Variants in ADCY3 observed in about 807,000 individuals in gnomAD.
The protein encoded by ADCY3 is adenylate cyclase type 3.
Under a neutral mutation model 119.4 loss-of-function variants are expected in ADCY3, and 70 were observed. That is an observed-to-expected ratio of 0.59 (90% CI 0.48 to 0.72). The LOEUF (loss-of-function observed/expected upper bound fraction) is 0.72, where lower values mean the gene tolerates loss of function less well. ADCY3 is among the 30% of genes least tolerant of loss of function. The pLI, the probability that ADCY3 is intolerant of heterozygous loss-of-function variation, is 0.00. For synonymous variants in ADCY3, 672 were observed against 621.4 expected, an observed-to-expected ratio of 1.08 and a Z score of -1.21; for missense variants, 1,238 against 1,541.6, an observed-to-expected ratio of 0.80 and a Z score of 3.30.
At chr2:24,867,431 G>C (rs778318715) in intron 3 of ADCY3, among the ~76,000 whole-genome samples, 81 of 152,164 alleles carry the variant, frequency 5.3e-4, no homozygotes, top group Non-Finnish European at 9.0e-4. Context: ...CTTTTAAAAG[G>C]GGCATCACAT....
chr2:24,902,402 T>C (rs1470091686), intron 2 of ADCY3, among the ~76,000 whole-genome samples: 2 of 151,824 alleles, frequency 1.3e-5, no homozygotes, highest in Non-Finnish European at 2.9e-5. Flanking sequence ...TTTTGATGAA[T>C]ATGGACAAAT....
intron 12 of ADCY3, among the ~76,000 whole-genome samples, chr2:24,831,230 T>TAA (rs5829943): frequency 0.091 from 13,353 of 147,336 alleles, 670 homozygotes; most frequent in East Asian, 0.18. Context: ...TCATTCTGAT[T>TAA]AAAAAAAAAA....
chr2:24,896,946 C>G (rs1250892166), intron 2 of ADCY3, among the ~76,000 whole-genome samples: 1 of 152,150 alleles, frequency 6.6e-6, no homozygotes, highest in Non-Finnish European at 1.5e-5. Flanking sequence ...CTCGGTTAGT[C>G]TTCTTTTTCC....
Position 24,828,001 on chromosome 2 carries a change from G to A in ADCY3, c.2333C>T (p.Thr778Met), listed in dbSNP as rs1007829744. ...GGCGCCTGCGACGAGCAGCATGAGC[G>A]TGAGCTTCACCATGTGGCTGACCTG... Reference protein sequence around the residue: ...LVQVSHMVKLTLMLLVAGAVA... With the variant: ...LVQVSHMVKLMLMLLVAGAVA... Residue 778 changes from threonine (T) to methionine (M), a missense_variant, in exon 14 of 22, where the codon ACG becomes ATG. Transcript: ENST00000679454. 3.3e-5 allele frequency: 54 copies of A among 1,614,134 alleles called. No individual in the cohort carries two copies. Among genetic ancestry groups the A allele is most frequent in the African/African-American group, 2.7e-5 (2 of 74,952 alleles).
chr2:24,827,653 G>C (rs1668815804), intron 14 of ADCY3, 45 bp from the exon 15 acceptor site: 2 of 1,556,846 alleles, frequency 1.3e-6, no homozygotes, highest in South Asian at 1.2e-5. Context: ...CTGGGAACAA[G>C]AGCCTGATGC....
intron 13 of ADCY3, among the ~76,000 whole-genome samples, chr2:24,828,830 A>G (rs1157390424): frequency 2.0e-5 from 3 of 152,096 alleles, no homozygotes; most frequent in South Asian, 2.1e-4. Context: ...CAGCATCTCC[A>G]GGTGTCCTGT....
Position 24,842,188 on chromosome 2 carries a change from T to C in ADCY3, c.956+66A>G, listed in dbSNP as rs554092708. On this transcript the variant is annotated intron_variant, in intron 4 of 21. Transcript: ENST00000679454. This position sits in a 1 kb window ranked among gnomAD's most constrained non-coding sequence, Gnocchi z 4.9. ...CTTGAAGCCCACAGCACCTAGCGGG[T>C]CCCACAAAGATGCAGCCCTCCACAG... 2.2e-3 allele frequency: 3,580 copies of C among 1,605,484 alleles called. 6 individuals carry two copies. The highest frequency in any genetic ancestry group is 2.8e-3 in the Non-Finnish European group (3,240 of 1,176,946).
At chr2:24,908,773 C>A (rs1470266128) in intron 2 of ADCY3, among the ~76,000 whole-genome samples, 1 of 152,164 alleles carries the variant, frequency 6.6e-6, no homozygotes, top group Non-Finnish European at 1.5e-5. Flanking sequence ...GTGCAAAACA[C>A]CATCAGACAG....
At chr2:24,871,367 T>A (rs1361551338) in intron 3 of ADCY3, among the ~76,000 whole-genome samples, 1 of 152,228 alleles carries the variant, frequency 6.6e-6, no homozygotes, top group East Asian at 1.9e-4. Flanking sequence ...CTACTAAGCC[T>A]GGACCTTTGT....
intron 15 of ADCY3, 141 bp from the exon 16 acceptor site, chr2:24,826,267 G>C (rs1033693991): frequency 1.6e-5 from 11 of 696,888 alleles, no homozygotes; most frequent in Non-Finnish European, 2.4e-5. Flanking sequence ...TTCACATCAA[G>C]TCGGGCTCCC....
At chr2:24,821,721 T>G in intron 19 of ADCY3, 81 bp from the exon 20 acceptor site, 1 of 1,560,430 alleles carries the variant, frequency 6.4e-7, no homozygotes, top group Non-Finnish European at 8.7e-7. Context: ...GGCAGTGTTC[T>G]GGGGGTGGAT....
In ADCY3 at chr2:24,919,909, G is replaced by T. The variant is rs1262598496; in HGVS notation, c.-424C>A. 6.6e-6 allele frequency: 1 copy of T among 150,602 alleles called. No homozygotes were observed. The highest frequency in any genetic ancestry group is 2.4e-5 in the African/African-American group (1 of 41,254). The allele number at this position is 150,602 out of a possible 1,614,324, so 9.3% of individuals were successfully genotyped here. A position where few individuals can be genotyped will look rare whatever the true frequency, so the allele number is the denominator to read the frequency against. ...GGCGCCCGGCCGCAGGGGGAAGGAG[G>T]AGGCGGCGACGAGGGCTGGGAGATC... On this transcript the variant is annotated 5_prime_UTR_variant, in exon 1 of 22. Transcript: ENST00000679454. This position sits in a 1 kb window ranked among gnomAD's most constrained non-coding sequence, Gnocchi z 5.5.
chr2:24,845,082 C>T (rs1451872779), intron 3 of ADCY3, among the ~76,000 whole-genome samples: 1 of 152,266 alleles, frequency 6.6e-6, no homozygotes, highest in Admixed American at 6.5e-5. Context: ...GCCTCCTCAG[C>T]CATGTGGAAC....
chr2:24,918,702 A>C lies in ADCY3; in HGVS notation c.286T>G (p.Cys96Gly). Residue 96 changes from cysteine (C) to glycine (G), a missense_variant, in exon 2 of 22, where the codon TGT becomes GGT. Around this residue, in one of 7 missense-constraint regions of ADCY3, gnomAD observed 227 missense variants for 249.3 expected, o/e 0.91. Coordinates refer to ENST00000679454, the MANE Select transcript of ADCY3 (RefSeq NM_004036.5). The surrounding 1 kb of genome is among the most constrained non-coding windows in gnomAD (Gnocchi z 5.4). Reference protein sequence around the residue: ...ALFDCYVVVMCAVVFSSDKLA... With the variant: ...ALFDCYVVVMGAVVFSSDKLA... ...TTGTCGCTGGAGAAGACCACAGCAC[A>C]CATGACCACCACGTAGCAGTCAAAG... is the stretch of plus-strand genomic sequence containing the variant. 6.2e-7 allele frequency: 1 copy of C among 1,614,074 alleles called. No individual in the cohort carries two copies. The highest frequency in any genetic ancestry group is 1.7e-5 in the Admixed American group (1 of 60,018).
intron 8 of ADCY3, among the ~76,000 whole-genome samples, chr2:24,837,977 T>C (rs1670508432): frequency 2.6e-5 from 4 of 151,710 alleles, no homozygotes; most frequent in South Asian, 2.1e-4. Context: ...CCCTGCTCTA[T>C]TACTTCTATC....
rs765778219 is a variant in ADCY3 at position 24,898,807 on chromosome 2, C to T, written c.675+19506G>A. The stretch of plus-strand genomic sequence containing the variant: ...GGGAGAACAAAAGCAAAATTTACCA[C>T]GCAACCAACAGCAGCTCAGCAGTGG... On this transcript the variant is annotated intron_variant, in intron 2 of 21. Transcript: ENST00000679454. The surrounding 1 kb of genome is among the most constrained non-coding windows in gnomAD (Gnocchi z 4.3). 1.3e-5 allele frequency among the ~76,000 whole-genome samples: 2 copies of T among 152,126 alleles called. No individual in the cohort carries two copies. Among genetic ancestry groups the T allele is most frequent in the Non-Finnish European group, 2.9e-5 (2 of 68,022 alleles).
intron 19 of ADCY3, 115 bp from the exon 20 acceptor site, chr2:24,821,755 CCTTA>C: frequency 3.5e-6 from 5 of 1,443,364 alleles, no homozygotes; most frequent in Admixed American, 2.2e-5. Flanking sequence ...ATGTTCAAGG[CCTTA>C]CTTTTCCTCC....
intron 3 of ADCY3, among the ~76,000 whole-genome samples, chr2:24,862,454 G>A (rs1673779461): frequency 1.3e-5 from 2 of 152,008 alleles, no homozygotes; most frequent in Admixed American, 1.3e-4. Context: ...GCTGAGGCAG[G>A]AGAATGGCGT....
Position 24,839,984 on chromosome 2 carries a change from A to AC in ADCY3, c.1243dup (p.Val415GlyfsTer24). 1 of 1,613,528 alleles carries AC rather than the reference A, an allele frequency of 6.2e-7. No homozygotes were observed. Among genetic ancestry groups the AC allele is most frequent in the Non-Finnish European group, 8.5e-7 (1 of 1,179,932 alleles). ...GCCCCCCAGCACGGTGCCCGTGTGC[A>AC]CCCCCACACGCATGTCCACCCCAGT... On this transcript the variant is annotated frameshift_variant, in exon 7 of 22. Coordinates refer to ENST00000679454, the MANE Select transcript of ADCY3 (RefSeq NM_004036.5). LOFTEE classifies it high-confidence loss of function.
Sources: gnomAD v4.1 joint callset for allele counts (sites outside exome capture counted in the v4.1 genomes callset) on GRCh38, gnomAD v4.1.1 for gene constraint, gnomAD v4.1.1 regional missense constraint, Gnocchi (gnomAD v3.1) non-coding constraint, MANE v1.5 for transcripts, NCBI Gene and HGNC (gene_info 2026-07-23, HGNC 2026-07-21) for gene names.